The following HACD3 variants were observed in gnomAD, a reference collection of about 807,000 sequenced individuals.
HACD3 encodes 3-hydroxyacyl-CoA dehydratase 3.
In HACD3, 30 loss-of-function variants were observed where a neutral mutation model predicts 55.2. The ratio of observed to expected loss-of-function variants is 0.54; its 90% CI spans 0.41 to 0.74. The LOEUF (loss-of-function observed/expected upper bound fraction) is 0.74, where lower values mean the gene tolerates loss of function less well. HACD3 is among the 30% of genes least tolerant of loss of function. The pLI is 0.00. For synonymous variants in HACD3, 141 were observed against 151.7 expected (o/e 0.93, Z 0.52); for missense variants, 363 against 440.1 (o/e 0.82, Z 1.57).
chr15:65,536,344 T>G (rs1160571604), intron 1 of HACD3, among the ~76,000 whole-genome samples: 7 of 152,242 alleles, frequency 4.6e-5, no homozygotes, highest in Admixed American at 4.6e-4. Context: ...CTATATAAGA[T>G]GGTGAACTTA....
intron 3 of HACD3, among the ~76,000 whole-genome samples, chr15:65,556,318 A>T (rs938237081): frequency 1.2e-4 from 18 of 152,220 alleles, no homozygotes; most frequent in Non-Finnish European, 7.3e-5. Context: ...ACAGTGACAG[A>T]TCATCAGGCA....
chr15:65,530,521 G>T lies in HACD3; in HGVS notation c.-111G>T. 1 of 959,062 alleles carries T rather than the reference G, an allele frequency of 1.0e-6. No individual in the cohort carries two copies. The highest frequency in any genetic ancestry group is 1.8e-5 in the South Asian group (1 of 55,560). 59.4% of individuals were successfully genotyped at this position (959,062 alleles called of 1,614,324 possible). ...TATCTCGAGGTGCCGGGTTGCAGGC[G>T]CTCAGGAGCGCTAGGGTTTGAGGCC... is the stretch of plus-strand genomic sequence containing the variant. On this transcript the variant is annotated 5_prime_UTR_variant, in exon 1 of 11. Coordinates refer to ENST00000261875, the MANE Select transcript of HACD3 (RefSeq NM_016395.4).
chr15:65,562,791 A>G lies in HACD3; in HGVS notation c.439A>G (p.Lys147Glu), dbSNP rs755003649. 6.2e-7 allele frequency: 1 copy of G among 1,613,844 alleles called. No individual in the cohort carries two copies. Among genetic ancestry groups the G allele is most frequent in the Non-Finnish European group, 8.5e-7 (1 of 1,179,824 alleles). ...CTTTACAGCTCTTACAAACTTAAGG[A>G]AAGGATACCTGTTTATGTATAATCT... Reference protein sequence around the residue: ...GSPETLTNLRKGYLFMYNLVQ... With the variant: ...GSPETLTNLREGYLFMYNLVQ... The change falls in exon 6 of 11, where the codon AAA (lysine) becomes GAA (glutamate). Residue 147 changes from lysine (K) to glutamate (E), a missense_variant. Transcript: ENST00000261875.
At chr15:65,543,065 T>A (rs1252913214) in intron 1 of HACD3, among the ~76,000 whole-genome samples, 4 of 147,866 alleles carry the variant, frequency 2.7e-5, no homozygotes, top group African/African-American at 1.0e-4. Flanking sequence ...AGTGGGACTC[T>A]GTCTCTCTAA....
intron 1 of HACD3, among the ~76,000 whole-genome samples, chr15:65,532,626 C>G (rs1299811191): frequency 7.0e-6 from 1 of 142,118 alleles, no homozygotes; most frequent in African/African-American, 2.6e-5. Context: ...GAGTGAAACT[C>G]TGTCTCAAAA....
chr15:65,533,050 T>G (rs1266528437), intron 1 of HACD3, among the ~76,000 whole-genome samples: 1 of 152,244 alleles, frequency 6.6e-6, no homozygotes, highest in Non-Finnish European at 1.5e-5. Flanking sequence ...AGAATTATTT[T>G]TGTCAAACTA....
At chr15:65,542,159 G>T (rs2072025988) in intron 1 of HACD3, among the ~76,000 whole-genome samples, 1 of 145,008 alleles carries the variant, frequency 6.9e-6, no homozygotes, top group African/African-American at 2.7e-5. Flanking sequence ...AACCTGGGAG[G>T]CAGAGGTTGC....
intron 1 of HACD3, among the ~76,000 whole-genome samples, chr15:65,532,966 G>A (rs754381096): frequency 8.5e-5 from 13 of 152,288 alleles, no homozygotes; most frequent in Non-Finnish European, 1.8e-4. Context: ...GGAGTTGGAT[G>A]TTGAACCAGG....
At chr15:65,541,049 T>TCAACCTTCCCCCCTTTTAGTG (rs2072014688) in intron 1 of HACD3, among the ~76,000 whole-genome samples, 2 of 152,122 alleles carry the variant, frequency 1.3e-5, no homozygotes, top group African/African-American at 4.8e-5. Flanking sequence ...ACAACTGAAA[T>TCAACCTTCCCCCCTTTTAGTG]GATTAAGACT....
intron 7 of HACD3, chr15:65,566,198 C>T (rs540048572): frequency 6.6e-6 from 1 of 152,300 alleles, no homozygotes. Context: ...CCAAACTTAC[C>T]TACATTTTCC....
chr15:65,570,267 A>C, intron 8 of HACD3, 64 bp downstream of exon 8: 1 of 1,203,374 alleles, frequency 8.3e-7, no homozygotes, highest in Non-Finnish European at 1.2e-6. Flanking sequence ...TCTGTTCTTG[A>C]GGGAGTTGTT....
At chr15:65,535,655 A>C in intron 1 of HACD3, 1 of 402,378 alleles carries the variant, frequency 2.5e-6, no homozygotes, top group Admixed American at 4.4e-5. Context: ...CATTATTATT[A>C]TATCTGTTCT....
At chr15:65,569,910 C>T (rs2141224863) in intron 7 of HACD3, among the ~76,000 whole-genome samples, 181 bp from the exon 8 acceptor site, 1 of 152,294 alleles carries the variant, frequency 6.6e-6, no homozygotes, top group East Asian at 1.9e-4. Flanking sequence ...CTGTACCTGT[C>T]TAGTCACAAA....
In HACD3 at chr15:65,570,321, T is replaced by A. The variant is rs181222451; in HGVS notation, c.773+118T>A. The A allele has an allele frequency of 1.9e-3, 1,400 of 731,780 alleles. 19 individuals carry two copies. The highest frequency in any genetic ancestry group is 2.0e-4 in the Non-Finnish European group (90 of 452,900). 45.3% of individuals were successfully genotyped at this position (731,780 alleles called of 1,614,324 possible). A position where few individuals can be genotyped will look rare whatever the true frequency, so the allele number is the denominator to read the frequency against. On this transcript the variant is annotated intron_variant, in intron 8 of 10. Transcript: ENST00000261875. ...TTTGGTTTGGGACTAAGATTACATA[T>A]GTGGAGAATTCTGGTTGCACCTATG...
At chr15:65,561,950 A>G (rs1216092200) in intron 5 of HACD3, among the ~76,000 whole-genome samples, 1 of 152,218 alleles carries the variant, frequency 6.6e-6, no homozygotes, top group Non-Finnish European at 1.5e-5. Context: ...TTCATTTATT[A>G]TAAGGGATAT....
intron 1 of HACD3, among the ~76,000 whole-genome samples, chr15:65,535,310 T>C (rs182133662): frequency 6.6e-6 from 1 of 152,190 alleles, no homozygotes; most frequent in Non-Finnish European, 1.5e-5. Flanking sequence ...AGATGACTAA[T>C]ATCACGACTA....
intron 1 of HACD3, among the ~76,000 whole-genome samples, chr15:65,550,536 C>A (rs977797269): frequency 6.6e-6 from 1 of 152,150 alleles, no homozygotes; most frequent in Non-Finnish European, 1.5e-5. Context: ...GGGAAACTTG[C>A]AGGTCTAAAT....
chr15:65,533,164 G>A (rs1296604675), intron 1 of HACD3, among the ~76,000 whole-genome samples: 1 of 152,152 alleles, frequency 6.6e-6, no homozygotes, highest in East Asian at 1.9e-4. Flanking sequence ...TAACACACCC[G>A]TAGTTAAACA....
intron 1 of HACD3, among the ~76,000 whole-genome samples, chr15:65,537,611 C>T (rs1261504044): frequency 9.3e-5 from 14 of 150,562 alleles, no homozygotes; most frequent in Admixed American, 2.7e-4. Context: ...ACCAACATGG[C>T]GAAACCCCGT....
Sources: gnomAD v4.1 joint callset for allele counts (sites outside exome capture counted in the v4.1 genomes callset) on GRCh38, gnomAD v4.1.1 for gene constraint, MANE v1.5 for transcripts, NCBI Gene and HGNC (gene_info 2026-07-23, HGNC 2026-07-21) for gene names.